The following NAV2 variants were observed in gnomAD, a reference collection of about 807,000 sequenced individuals.
NAV2 encodes neuron navigator 2, also known as helicase, APC down-regulated 1.
A neutral mutation model predicts 223.2 loss-of-function variants in NAV2; 54 were observed. The ratio of observed to expected loss-of-function variants is 0.24; its 90% CI spans 0.19 to 0.30. The LOEUF (loss-of-function observed/expected upper bound fraction) is 0.30. Ranked by LOEUF, NAV2 falls within the 10% of genes least tolerant of loss-of-function variation. The pLI is 1.00. For missense variants in NAV2, 2,806 were observed against 3,147.5 expected (o/e 0.89, Z 2.60); for synonymous variants, 1,279 against 1,239.3 (o/e 1.03, Z -0.67).
At chr11:20,040,128 G>C (rs2056775825) in intron 12 of NAV2, among the ~76,000 whole-genome samples, 1 of 152,202 alleles carries the variant, frequency 6.6e-6, no homozygotes, top group African/African-American at 2.4e-5. Flanking sequence ...TGTTGATGCA[G>C]ATAATTATCT....
intron 1 of NAV2, among the ~76,000 whole-genome samples, chr11:19,642,219 C>A (rs60513575): frequency 9.2e-4 from 140 of 152,222 alleles, no homozygotes; most frequent in African/African-American, 3.2e-3. Context: ...TCTTCAAGTC[C>A]CAGCCAGCCC....
chr11:19,787,270 CTT>C (rs757183666), intron 1 of NAV2, among the ~76,000 whole-genome samples: 612 of 54,976 alleles, frequency 0.011, 144 homozygotes, highest in African/African-American at 0.035. Context: ...TTTATTGGAT[CTT>C]TTTTTTTTTT....
At chr11:19,606,421 A>T (rs2046475963) in intron 1 of NAV2, among the ~76,000 whole-genome samples, 1 of 152,174 alleles carries the variant, frequency 6.6e-6, no homozygotes. Flanking sequence ...AGCTGATGAG[A>T]GTAAGAGCTT....
At chr11:19,619,987 A>G (rs1018190017) in intron 1 of NAV2, among the ~76,000 whole-genome samples, 8 of 152,210 alleles carry the variant, frequency 5.3e-5, no homozygotes, top group African/African-American at 1.9e-4. Flanking sequence ...ATGGCTAGCC[A>G]GTTTTCCCAG....
intron 11 of NAV2, among the ~76,000 whole-genome samples, chr11:20,024,293 G>C (rs1200509691): frequency 6.6e-6 from 1 of 152,178 alleles, no homozygotes; most frequent in East Asian, 1.9e-4. Context: ...TGGGAGTTCT[G>C]TGATCTTGAG....
At chr11:19,734,303 G>C (rs939930133) in intron 1 of NAV2, among the ~76,000 whole-genome samples, 4 of 152,310 alleles carry the variant, frequency 2.6e-5, no homozygotes, top group African/African-American at 9.6e-5. Flanking sequence ...TGATATTTGA[G>C]AGGATGAATA....
At position 19,365,967 on chromosome 11, in the gene NAV2, C is replaced by A. The variant is rs544977687; in HGVS notation, c.75+14940C>A. Among the ~76,000 whole-genome samples the A allele has an allele frequency of 3.2e-4, 49 of 152,326 alleles. 1 individual carries two copies. The highest frequency in any genetic ancestry group is 1.2e-3 in the African/African-American group (48 of 41,578). The stretch of plus-strand genomic sequence containing the variant: ...AGCCCAAAGGGAGAGCCACCTTTGC[C>A]CTTTTAGTAAGAAGTGAAAGTAGGC... On this transcript the variant is annotated intron_variant, in intron 1 of 37. Transcript: ENST00000360655.
chr11:20,102,497 G>T (rs770937875), intron 32 of NAV2, among the ~76,000 whole-genome samples: 16 of 152,116 alleles, frequency 1.1e-4, no homozygotes, highest in Non-Finnish European at 1.9e-4. Context: ...CTGTAAAATG[G>T]ACGTAATCAT....
At chr11:19,680,818 T>G (rs2048861580) in intron 1 of NAV2, among the ~76,000 whole-genome samples, 1 of 152,182 alleles carries the variant, frequency 6.6e-6, no homozygotes, top group South Asian at 2.1e-4. Context: ...AGGAATGAGC[T>G]CACGTGAGAG....
chr11:20,006,489 ACATGGTGAAAC>A (rs1226624795), intron 11 of NAV2, among the ~76,000 whole-genome samples: 1 of 152,114 alleles, frequency 6.6e-6, no homozygotes, highest in Non-Finnish European at 1.5e-5. Context: ...ATCCTGACCA[ACATGGTGAAAC>A]CCCGTCTCTA....
At chr11:19,773,141 T>C (rs956260838) in intron 1 of NAV2, among the ~76,000 whole-genome samples, 4 of 152,190 alleles carry the variant, frequency 2.6e-5, no homozygotes, top group Non-Finnish European at 5.9e-5. Flanking sequence ...AGATGGACAG[T>C]CCAACTTTCA....
At chr11:19,909,589 G>A (rs77536762) in intron 6 of NAV2, among the ~76,000 whole-genome samples, 3,200 of 152,288 alleles carry the variant, frequency 0.021, 131 homozygotes, top group African/African-American at 0.073. Context: ...GTTGGGAGTA[G>A]GAGGAGATTC....
intron 11 of NAV2, among the ~76,000 whole-genome samples, chr11:20,019,787 T>G (rs1161732256): frequency 6.6e-6 from 1 of 151,998 alleles, no homozygotes; most frequent in African/African-American, 2.4e-5. Flanking sequence ...CGATGCTACC[T>G]GCTGCTGAAA....
intron 11 of NAV2, among the ~76,000 whole-genome samples, chr11:19,995,714 A>G (rs2051808797): frequency 6.6e-6 from 1 of 152,196 alleles, no homozygotes; most frequent in Non-Finnish European, 1.5e-5. Context: ...ATACATTGCA[A>G]TGGATTTTGT....
In NAV2 at chr11:19,762,348, T is replaced by A. The variant is rs182615571; in HGVS notation, c.267+48386T>A. ...CTCCCCATTGCTGTCAGCATAAAGATCCAAATCCCTACAATGATATGCAAA... is the reference window on the plus strand; with the variant it reads ...CTCCCCATTGCTGTCAGCATAAAGAACCAAATCCCTACAATGATATGCAAA... On this transcript the variant is annotated intron_variant, in intron 1 of 37. Coordinates refer to ENST00000349880, the MANE Select transcript of NAV2 (RefSeq NM_145117.5). 3.9e-5 allele frequency among the ~76,000 whole-genome samples: 6 copies of A among 152,252 alleles called. No homozygotes were observed. In the East Asian group the frequency reaches 1.2e-3, roughly 29 times the overall value.
intron 1 of NAV2, among the ~76,000 whole-genome samples, chr11:19,596,508 C>T (rs911754112): frequency 6.6e-6 from 1 of 152,168 alleles, no homozygotes; most frequent in African/African-American, 2.4e-5. Context: ...AGGATGGAGA[C>T]GCAGTTCATT....
chr11:20,074,090 A>G lies in NAV2; in HGVS notation c.4984-3462A>G, dbSNP rs182097358. On this transcript the variant is annotated intron_variant, in intron 22 of 37. Coordinates refer to ENST00000349880, the MANE Select transcript of NAV2 (RefSeq NM_145117.5). Reference sequence around the variant, plus strand: ...CATTTAGTGCTATAAATTTCCCTCTACACACTGCTTTAAATGTGTCCCAGA... The same window carrying G: ...CATTTAGTGCTATAAATTTCCCTCTGCACACTGCTTTAAATGTGTCCCAGA... Among the ~76,000 whole-genome samples, 401 of 152,200 alleles carry G rather than the reference A, an allele frequency of 2.6e-3. 1 individual carries two copies. Among genetic ancestry groups the G allele is most frequent in the African/African-American group, 9.1e-3 (376 of 41,516 alleles).
At chr11:19,633,850 T>C (rs1242499080) in intron 1 of NAV2, among the ~76,000 whole-genome samples, 4 of 152,202 alleles carry the variant, frequency 2.6e-5, no homozygotes, top group Non-Finnish European at 4.4e-5. Flanking sequence ...CTCTACTACT[T>C]ACCAGCTGTG....
At chr11:19,591,623 A>G (rs1299562513) in intron 1 of NAV2, among the ~76,000 whole-genome samples, 1 of 152,200 alleles carries the variant, frequency 6.6e-6, no homozygotes, top group Non-Finnish European at 1.5e-5. Flanking sequence ...AGGGGGAAAG[A>G]TCAATTAGTG....
Sources: allele counts gnomAD v4.1 joint callset (sites outside exome capture counted in the v4.1 genomes callset), GRCh38; gene constraint gnomAD v4.1.1; transcripts MANE v1.5; gene names NCBI Gene and HGNC (gene_info 2026-07-23, HGNC 2026-07-21).